Variants in HDX observed in about 807,000 individuals in gnomAD.
HDX encodes highly divergent homeobox.
Under a neutral mutation model 45.2 loss-of-function variants are expected in HDX, and 19 were observed. The ratio of observed to expected loss-of-function variants is 0.42; its 90% CI spans 0.29 to 0.62. The LOEUF (loss-of-function observed/expected upper bound fraction) is 0.62. Ranked by LOEUF, HDX falls within the 20% of genes least tolerant of loss-of-function variation. The pLI is 0.20. For missense variants in HDX, 532 were observed against 493.9 expected (o/e 1.08, Z -0.73); for synonymous variants, 188 against 172.8 (o/e 1.09, Z -0.69).
chrX:84,348,777 C>T (rs777732365), intron 6 of HDX, among the ~76,000 whole-genome samples: 1 of 110,964 alleles, frequency 9.0e-6, no homozygotes, highest in Non-Finnish European at 1.9e-5. Flanking sequence ...CTAAAGGGGG[C>T]TGTATTTGGT....
At chrX:84,438,470 C>T (rs975005757) in intron 5 of HDX, among the ~76,000 whole-genome samples, 7 of 110,085 alleles carry the variant, frequency 6.4e-5, no homozygotes, top group African/African-American at 2.3e-4. Flanking sequence ...AGTGAGGCTT[C>T]AGGTCCCAAT....
At chrX:84,489,294 A>G (rs1423511760) in intron 1 of HDX, among the ~76,000 whole-genome samples, 3 of 112,172 alleles carry the variant, frequency 2.7e-5, no homozygotes, top group Non-Finnish European at 3.8e-5. Flanking sequence ...ATGTGGACAT[A>G]TGGTTGTGGT....
At chrX:84,332,155 C>T (rs982746780) in intron 9 of HDX, among the ~76,000 whole-genome samples, 3 of 111,141 alleles carry the variant, frequency 2.7e-5, no homozygotes, top group African/African-American at 9.8e-5. Flanking sequence ...GTTTTGCTTA[C>T]CTTTCCCTTA....
At chrX:84,410,901 G>A (rs1479154957) in intron 5 of HDX, among the ~76,000 whole-genome samples, 1 of 111,330 alleles carries the variant, frequency 9.0e-6, no homozygotes, top group Non-Finnish European at 1.9e-5. Context: ...TTGGAGGGTT[G>A]TATGTTTCTA....
rs1313997970 is a variant in HDX at position 84,469,541 on chromosome X, C to A, written c.182G>T (p.Ser61Ile). ...TGCTGTTCCAGATTCAGAGTTCTTACTACTCATCTTTCTTCTCTTATTGCC... is the reference window on the plus strand; with the variant it reads ...TGCTGTTCCAGATTCAGAGTTCTTAATACTCATCTTTCTTCTCTTATTGCC... ...WVGNKRRKMSSKNSESGTATT... is the reference protein window; with the variant it reads ...WVGNKRRKMSIKNSESGTATT... The change falls in exon 4 of 11, where the codon AGT (serine) becomes ATT (isoleucine). Residue 61 changes from serine (S) to isoleucine (I), a missense_variant. Around this residue, in one of 3 missense-constraint regions of HDX, gnomAD observed 376 missense variants for 343.7 expected, o/e 1.09. Transcript: ENST00000373177. The A allele has an allele frequency of 8.4e-7, 1 of 1,194,162 alleles. No homozygotes were observed. Among genetic ancestry groups the A allele is most frequent in the Non-Finnish European group, 1.1e-6 (1 of 886,414 alleles).
Position 84,326,253 on chromosome X carries a change from T to C in HDX, c.1872A>G (p.Gln624=). 1 of 1,194,866 alleles carries C rather than the reference T, an allele frequency of 8.4e-7. No individual in the cohort carries two copies. The highest frequency in any genetic ancestry group is 1.8e-5 in the South Asian group (1 of 56,495). Residue 624 remains glutamine, a synonymous_variant, in exon 10 of 11, where the codon CAA becomes CAG. Coordinates refer to ENST00000373177, the MANE Select transcript of HDX (RefSeq NM_001177479.2). The stretch of plus-strand genomic sequence containing the variant: ...CAAAAGTCTGAAGTTTAAAGTATTT[T>C]TGCTTTTGAATCTCGAGCTCATTTT... ...FIENELEIQK[Q]KYFKLQTFVR... is the part of the protein sequence containing the mutation.
At chrX:84,353,442 G>A (rs1487426995) in intron 6 of HDX, among the ~76,000 whole-genome samples, 2 of 111,334 alleles carry the variant, frequency 1.8e-5, no homozygotes, top group African/African-American at 6.5e-5. Flanking sequence ...CTTCTGCCAT[G>A]AGAGGTTACA....
intron 5 of HDX, among the ~76,000 whole-genome samples, chrX:84,374,191 C>G (rs2037977938): frequency 1.8e-5 from 2 of 111,304 alleles, no homozygotes; most frequent in African/African-American, 6.6e-5. Flanking sequence ...ACTTAGGAAT[C>G]AAACTTACAA....
At chrX:84,356,350 G>A (rs185210664) in intron 6 of HDX, among the ~76,000 whole-genome samples, 1 of 111,385 alleles carries the variant, frequency 9.0e-6, no homozygotes, top group East Asian at 2.8e-4. Flanking sequence ...TAGTATGTTG[G>A]AAAATCATGA....
chrX:84,419,027 A>G (rs6616939), intron 5 of HDX, among the ~76,000 whole-genome samples: 3 of 112,002 alleles, frequency 2.7e-5, no homozygotes, highest in East Asian at 5.7e-4. Context: ...TTCCAGACAC[A>G]ACATAGGCCA....
chrX:84,410,051 T>C (rs1408158645), intron 5 of HDX, among the ~76,000 whole-genome samples: 2 of 45,791 alleles, frequency 4.4e-5, no homozygotes, highest in African/African-American at 1.4e-4. Context: ...AGACTCTGTC[T>C]CAAAAAAGAT....
In HDX at chrX:84,479,161, C is replaced by A. The variant is rs188211634; in HGVS notation, c.1-3764G>T. On this transcript the variant is annotated intron_variant, in intron 2 of 10. Coordinates refer to ENST00000373177, the MANE Select transcript of HDX (RefSeq NM_001177479.2). The stretch of plus-strand genomic sequence containing the variant: ...AAGAGAAATGTATATAGTCATCAAA[C>A]CATCACCAAAATCAAGACAGAATAG... Among the ~76,000 whole-genome samples the A allele has an allele frequency of 9.0e-5, 10 of 111,318 alleles. No individual in the cohort carries two copies. The East Asian group carries it at 2.5e-3, about 28-fold the overall frequency.
At chrX:84,387,200 C>G (rs980823174) in intron 5 of HDX, among the ~76,000 whole-genome samples, 12 of 111,812 alleles carry the variant, frequency 1.1e-4, no homozygotes, top group African/African-American at 3.9e-4. Flanking sequence ...TGAGAGTGTG[C>G]TTTGTGTGAT....
intron 9 of HDX, among the ~76,000 whole-genome samples, chrX:84,328,677 T>C (rs1285639446): frequency 9.2e-6 from 1 of 108,758 alleles, no homozygotes; most frequent in African/African-American, 3.3e-5. Context: ...GAGATACTAC[T>C]ACTGACATAT....
rs2036544360 is a variant in HDX at position 84,318,688 on chromosome X, T to C, written c.*3201A>G. The C allele has an allele frequency of 9.0e-6, 1 of 111,546 alleles. No individual in the cohort carries two copies. The highest frequency in any genetic ancestry group is 9.5e-5 in the Admixed American group (1 of 10,514). 9.2% of individuals were successfully genotyped at this position (111,546 alleles called of 1,213,427 possible). A position where few individuals can be genotyped will look rare whatever the true frequency, so the allele number is the denominator to read the frequency against. ...ATATGAAAGTGCCTCACAATAGATG[T>C]TGCTGTCTTTGGAGAAATGGCTTCT... On this transcript the variant is annotated 3_prime_UTR_variant, in exon 11 of 11. Coordinates refer to ENST00000373177, the MANE Select transcript of HDX (RefSeq NM_001177479.2).
intron 5 of HDX, among the ~76,000 whole-genome samples, chrX:84,400,971 A>G (rs1157323350): frequency 8.9e-6 from 1 of 112,179 alleles, no homozygotes; most frequent in African/African-American, 3.2e-5. Context: ...CCTGTTTAAT[A>G]AATGGTGCTG....
At chrX:84,331,976 T>A (rs2036852559) in intron 9 of HDX, among the ~76,000 whole-genome samples, 2 of 111,544 alleles carry the variant, frequency 1.8e-5, no homozygotes, top group African/African-American at 6.5e-5. Context: ...AAGTGATGCA[T>A]AATGGTACTT....
intron 5 of HDX, among the ~76,000 whole-genome samples, chrX:84,439,387 T>C (rs1428431601): frequency 9.0e-6 from 1 of 110,636 alleles, no homozygotes; most frequent in Non-Finnish European, 1.9e-5. Flanking sequence ...TTTTTTTTGT[T>C]GTGCAGAAGC....
intron 5 of HDX, among the ~76,000 whole-genome samples, chrX:84,398,524 C>T (rs1008016225): frequency 3.6e-5 from 4 of 111,829 alleles, no homozygotes; most frequent in African/African-American, 9.8e-5. Flanking sequence ...GAAGAACTAA[C>T]CTAAATATAT....
Sources: gnomAD v4.1 joint callset for allele counts (sites outside exome capture counted in the v4.1 genomes callset) on GRCh38, gnomAD v4.1.1 for gene constraint, gnomAD v4.1.1 regional missense constraint, MANE v1.5 for transcripts, NCBI Gene and HGNC (gene_info 2026-07-23, HGNC 2026-07-21) for gene names.